Variants in DUXB observed in about 807,000 individuals in gnomAD.
The protein encoded by DUXB is double homeobox protein B.
DUXB carries 22 observed loss-of-function variants against 8.9 expected under a neutral mutation model. The ratio of observed to expected loss-of-function variants is 2.46; its 90% CI spans 1.76 to 3.52. The LOEUF (loss-of-function observed/expected upper bound fraction) is 3.52, where lower values mean the gene tolerates loss of function less well. Among genes scored for constraint, DUXB ranks in the 30% most tolerant of loss-of-function variants. The probability of loss-of-function intolerance (pLI) is 0.00; values close to 1 mark genes in which losing one functional copy is unlikely to be tolerated. For missense variants in DUXB, 237 were observed against 108.7 expected (o/e 2.18, Z -5.25); for synonymous variants, 84 against 37.6 (o/e 2.23, Z -4.52).
In DUXB at chr16:75,700,075, A is replaced by C; in HGVS notation, c.120T>G (p.Pro40=). Residue 40 remains proline, a synonymous_variant, in exon 2 of 5, where the codon CCT becomes CCG. Transcript: ENST00000633875. The part of the protein sequence containing the change: ...LQSWFQHDPF[P]DKAAREQLAK... ...CCAGTTGTTCTCTGGCAGCTTTATC[A>C]GGGAAAGGGTCATGTTGAAACCATG... 1.4e-6 allele frequency: 1 copy of C among 702,508 alleles called. No homozygotes were observed. Among genetic ancestry groups the C allele is most frequent in the Non-Finnish European group, 2.6e-6 (1 of 384,866 alleles). The allele number at this position is 702,508 out of a possible 1,614,324, so 43.5% of individuals were successfully genotyped here. A position where few individuals can be genotyped will look rare whatever the true frequency, so the allele number is the denominator to read the frequency against.
chr16:75,698,998 A>T (rs1421466319), intron 2 of DUXB, among the ~76,000 whole-genome samples: 1 of 152,118 alleles, frequency 6.6e-6, no homozygotes, highest in Admixed American at 6.6e-5. Context: ...GTGGAACAAC[A>T]AACCCAGCAA....
At chr16:75,695,526 G>A (rs11643215) in intron 4 of DUXB, among the ~76,000 whole-genome samples, 30,220 of 152,136 alleles carry the variant, frequency 0.2, 4,324 homozygotes, top group East Asian at 0.63. Context: ...TTGTCCCTCA[G>A]TGGGAGAACA....
chr16:75,700,292 T>C, intron 1 of DUXB, 123 bp from the exon 2 acceptor site: 1 of 547,494 alleles, frequency 1.8e-6, no homozygotes, highest in Non-Finnish European at 3.2e-6. Context: ...TGGAGTGCAG[T>C]GATGCAGTTT....
chr16:75,697,699 T>C (rs1472813017), intron 2 of DUXB, among the ~76,000 whole-genome samples: 1 of 152,244 alleles, frequency 6.6e-6, no homozygotes, highest in African/African-American at 2.4e-5. Context: ...GTGCTAAAGC[T>C]GGCGTCCTCA....
At chr16:75,696,137 G>C in intron 3 of DUXB, 22 bp from the exon 4 acceptor site, 1 of 637,578 alleles carries the variant, frequency 1.6e-6, no homozygotes, top group South Asian at 1.5e-5. Flanking sequence ...CACAGAAGCT[G>C]TTGGGGAATT....
chr16:75,697,082 T>C, intron 2 of DUXB, 139 bp from the exon 3 acceptor site: 1 of 604,456 alleles, frequency 1.7e-6, no homozygotes, highest in East Asian at 2.8e-5. Flanking sequence ...TCCATTATCC[T>C]AGGAATGATG....
chr16:75,696,422 C>T (rs192372775), intron 3 of DUXB, among the ~76,000 whole-genome samples: 1 of 152,248 alleles, frequency 6.6e-6, no homozygotes, highest in African/African-American at 2.4e-5. Flanking sequence ...CGTGGTTGTG[C>T]ACCTCTGTAG....
chr16:75,695,941 AT>A lies in DUXB; in HGVS notation c.441+19del. 1.4e-6 allele frequency: 1 copy of A among 702,914 alleles called. No individual in the cohort carries two copies. The highest frequency in any genetic ancestry group is 2.6e-6 in the Non-Finnish European group (1 of 384,962). The allele number at this position is 702,914 out of a possible 1,614,324, so 43.5% of individuals were successfully genotyped here. A position where few individuals can be genotyped will look rare whatever the true frequency, so the allele number is the denominator to read the frequency against. On this transcript the variant is annotated intron_variant, in intron 4 of 4. Coordinates refer to ENST00000633875, the MANE Select transcript of DUXB (RefSeq NM_001351307.2). ...GTATCACAGGCAGGACATAGTTGGG[AT>A]CACACACATAGAACTTACTTGAATT...
intron 2 of DUXB, 85 bp downstream of exon 2, chr16:75,699,930 A>G (rs1344295749): frequency 1.7e-5 from 10 of 579,382 alleles, no homozygotes; most frequent in Non-Finnish European, 3.1e-5. Context: ...ATAACCTGAT[A>G]TAAGAGAATT....
rs373959283 is a variant in DUXB, at chr16:75,695,007, ATTTAT to A, written c.442-487_442-483del. On this transcript the variant is annotated intron_variant, in intron 4 of 4. Transcript: ENST00000633875. ...CATGTATGTACATATGTTTGTTATT[ATTTAT>A]TTTATTACTTTTGTTTTTCTTTTTT... Among the ~76,000 whole-genome samples the A allele has an allele frequency of 4.9e-4, 75 of 152,232 alleles. No individual in the cohort carries two copies. The South Asian group carries it at 0.013, about 26-fold the overall frequency.
chr16:75,699,251 T>C (rs1194910892), intron 2 of DUXB, among the ~76,000 whole-genome samples: 1 of 152,242 alleles, frequency 6.6e-6, no homozygotes, highest in East Asian at 1.9e-4. Flanking sequence ...ACGCTATGTG[T>C]ATGAATCACA....
chr16:75,700,416 G>A (rs553079920), intron 1 of DUXB, among the ~76,000 whole-genome samples: 1 of 152,016 alleles, frequency 6.6e-6, no homozygotes, highest in South Asian at 2.1e-4. Context: ...TTTCTTTGTA[G>A]AGATGAGGTC....
Position 75,694,082 on chromosome 16 carries a change from T to A in DUXB, c.885A>T (p.Pro295=), listed in dbSNP as rs923367987. The A allele has an allele frequency of 1.9e-5, 8 of 417,426 alleles. No homozygotes were observed. Among genetic ancestry groups the A allele is most frequent in the Non-Finnish European group, 3.3e-5 (8 of 238,868 alleles). The allele number at this position is 417,426 out of a possible 1,614,324, so 25.9% of individuals were successfully genotyped here. Residue 295 remains proline (P), a synonymous_variant, in exon 5 of 5, where the codon CCA becomes CCT. Transcript: ENST00000633875. ...NHKEHSGSGV[P]QVKSHSQPEP... ...CAGGCTGAGAATGGCTCTTGACCTG[T>A]GGTACTCCCGAGCCAGAGTGTTCTT...
chr16:75,697,231 G>T (rs913397978), intron 2 of DUXB, among the ~76,000 whole-genome samples: 1 of 152,076 alleles, frequency 6.6e-6, no homozygotes, highest in East Asian at 1.9e-4. Context: ...TCAAAGGATC[G>T]CTCTCTGTCT....
At chr16:75,695,025 GTTTTTC>G (rs2082594194) in intron 4 of DUXB, among the ~76,000 whole-genome samples, 2 of 151,976 alleles carry the variant, frequency 1.3e-5, no homozygotes, top group African/African-American at 4.8e-5. Flanking sequence ...TATTACTTTT[GTTTTTC>G]TTTTTTATGT....
Position 75,700,082 on chromosome 16 carries a change from G to C in DUXB, c.113C>G (p.Pro38Arg). 1.4e-6 allele frequency: 1 copy of C among 702,704 alleles called. No homozygotes were observed. Among genetic ancestry groups the C allele is most frequent in the South Asian group, 1.5e-5 (1 of 67,542 alleles). The allele number at this position is 702,704 out of a possible 1,614,324, so 43.5% of individuals were successfully genotyped here. A position where few individuals can be genotyped will look rare whatever the true frequency, so the allele number is the denominator to read the frequency against. The change falls in exon 2 of 5, where the codon CCT (proline) becomes CGT (arginine). Residue 38 changes from proline to arginine, a missense_variant. By Grantham distance (103) the Pro-to-Arg change is moderately radical. Coordinates refer to ENST00000633875, the MANE Select transcript of DUXB (RefSeq NM_001351307.2). ...TTCTCTGGCAGCTTTATCAGGGAAA[G>C]GGTCATGTTGAAACCATGATTGGAG... ...DILQSWFQHD[P>R]FPDKAAREQL...
At position 75,694,455 on chromosome 16, in the gene DUXB, T is replaced by A; in HGVS notation, c.512A>T (p.Asp171Val). The A allele has an allele frequency of 1.4e-6, 1 of 702,990 alleles. No homozygotes were observed. Among genetic ancestry groups the A allele is most frequent in the Non-Finnish European group, 2.6e-6 (1 of 384,990 alleles). 43.5% of individuals were successfully genotyped at this position (702,990 alleles called of 1,614,324 possible). A position where few individuals can be genotyped will look rare whatever the true frequency, so the allele number is the denominator to read the frequency against. Residue 171 changes from aspartate to valine, a missense_variant, in exon 5 of 5, where the codon GAC (aspartate) becomes GTC (valine). Physicochemically the swap from Asp to Val is radical, Grantham distance 152 (BLOSUM62 -3). Transcript: ENST00000633875. ...SRMEPMNLLV[D>V]DPNERPDATV... Reference sequence around the variant, plus strand: ...TGCATCTGGTCTCTCATTTGGGTCGTCTACCAATAAATTCATGGGCTCCAT... The same window carrying A: ...TGCATCTGGTCTCTCATTTGGGTCGACTACCAATAAATTCATGGGCTCCAT...
chr16:75,701,360 C>CCAAAGAACAGAG (rs1959208813), intron 1 of DUXB, 34 bp downstream of exon 1: 1 of 398,394 alleles, frequency 2.5e-6, no homozygotes, highest in African/African-American at 2.1e-5. Flanking sequence ...TGCAGCAATC[C>CCAAAGAACAGAG]CAAAGAACAG....
Position 75,696,052 on chromosome 16 carries a change from A to G in DUXB, c.350T>C (p.Leu117Pro). The G allele has an allele frequency of 1.4e-6, 1 of 702,986 alleles. No individual in the cohort carries two copies. The highest frequency in any genetic ancestry group is 1.5e-5 in the South Asian group (1 of 67,596). 43.5% of individuals were successfully genotyped at this position (702,986 alleles called of 1,614,324 possible). ...TGGGTTCCTCTCAAAGGCTTGCACT[A>G]GCCTGTTTTTTTGAGTCCATGTGAT... ...TFITWTQKNRLVQAFERNPFP... is the reference protein window; with the variant it reads ...TFITWTQKNRPVQAFERNPFP... The change falls in exon 4 of 5, where the codon CTA becomes CCA. Residue 117 changes from leucine to proline, a missense_variant. Physicochemically the swap from Leu to Pro is moderately conservative, Grantham distance 98. Transcript: ENST00000633875.
Sources: allele counts gnomAD v4.1 joint callset (sites outside exome capture counted in the v4.1 genomes callset), GRCh38; gene constraint gnomAD v4.1.1; transcripts MANE v1.5; gene names NCBI Gene and HGNC (gene_info 2026-07-23, HGNC 2026-07-21).